The following GRM7 variants were observed in gnomAD, a reference collection of about 807,000 sequenced individuals.
GRM7 encodes metabotropic glutamate receptor 7.
In GRM7, 35 loss-of-function variants were observed where a neutral mutation model predicts 84.5. The ratio of observed to expected loss-of-function variants is 0.41; its 90% confidence interval spans 0.32 to 0.55. The LOEUF (loss-of-function observed/expected upper bound fraction) is 0.55. Ranked by LOEUF, GRM7 falls within the 20% of genes least tolerant of loss-of-function variation. The pLI is 0.19. For synonymous variants in GRM7, 487 were observed against 455.1 expected, an observed-to-expected ratio of 1.07 and a Z score of -0.89; for missense variants, 1,003 against 1,194.6, an observed-to-expected ratio of 0.84 and a Z score of 2.36.
At chr3:7,413,688 C>T (rs1308655970) in intron 4 of GRM7, among the ~76,000 whole-genome samples, 1 of 152,090 alleles carries the variant, frequency 6.6e-6, no homozygotes, top group East Asian at 1.9e-4. Context: ...ACCCAGTTGC[C>T]CTGTGGAATC....
intron 7 of GRM7, among the ~76,000 whole-genome samples, chr3:7,516,440 G>T (rs1700386872): frequency 8.3e-6 from 1 of 120,820 alleles, no homozygotes; most frequent in South Asian, 2.7e-4. Flanking sequence ...TCGTGCCCCT[G>T]CACTCCAGCC....
chr3:7,510,011 A>T (rs1313733577), intron 7 of GRM7, among the ~76,000 whole-genome samples: 3 of 152,214 alleles, frequency 2.0e-5, no homozygotes, highest in African/African-American at 7.2e-5. Context: ...TCTACTTTTA[A>T]GCAACAAAAA....
intron 1 of GRM7, among the ~76,000 whole-genome samples, chr3:6,864,387 A>G (rs1482474925): frequency 2.0e-5 from 3 of 152,238 alleles, no homozygotes; most frequent in South Asian, 2.1e-4. Flanking sequence ...GTGATCTTAG[A>G]CGCTCCTGTC....
chr3:7,387,871 G>C (rs895487691), intron 4 of GRM7, among the ~76,000 whole-genome samples: 2 of 152,008 alleles, frequency 1.3e-5, no homozygotes, highest in African/African-American at 2.4e-5. Flanking sequence ...TTTGTAGATT[G>C]CTTTGGGCAG....
At chr3:7,673,812 T>C (rs1012398773) in intron 8 of GRM7, among the ~76,000 whole-genome samples, 3 of 152,228 alleles carry the variant, frequency 2.0e-5, no homozygotes, top group Admixed American at 6.5e-5. Context: ...GTTCACCTAG[T>C]GTTTCTTGCA....
chr3:7,162,721 C>T (rs573037216), intron 2 of GRM7, among the ~76,000 whole-genome samples: 12 of 109,932 alleles, frequency 1.1e-4, no homozygotes, highest in Non-Finnish European at 2.3e-4. Context: ...CCATTACTCC[C>T]ATTTTTCATT....
intron 1 of GRM7, among the ~76,000 whole-genome samples, chr3:7,142,568 C>G (rs1015638660): frequency 1.3e-5 from 2 of 152,014 alleles, no homozygotes; most frequent in South Asian, 2.1e-4. Context: ...CCAATTGCCT[C>G]CACTTGGTCT....
At chr3:7,162,242 A>G (rs1488964190) in intron 2 of GRM7, among the ~76,000 whole-genome samples, 2 of 152,168 alleles carry the variant, frequency 1.3e-5, no homozygotes, top group African/African-American at 2.4e-5. Flanking sequence ...TGTGACAAAA[A>G]TGCTGTGAGA....
chr3:7,074,037 C>T (rs907170076), intron 1 of GRM7, among the ~76,000 whole-genome samples: 3 of 152,044 alleles, frequency 2.0e-5, no homozygotes, highest in Non-Finnish European at 4.4e-5. Flanking sequence ...AAGCAATGCA[C>T]ATTATAGTAA....
intron 2 of GRM7, among the ~76,000 whole-genome samples, chr3:7,214,609 C>T (rs1189011948): frequency 1.3e-5 from 2 of 152,210 alleles, no homozygotes; most frequent in African/African-American, 4.8e-5. Flanking sequence ...ACTTGAGCTA[C>T]AGCCATCACA....
intron 2 of GRM7, among the ~76,000 whole-genome samples, chr3:7,203,268 A>G (rs1696126545): frequency 6.6e-6 from 1 of 152,266 alleles, no homozygotes; most frequent in African/African-American, 2.4e-5. Context: ...TACGTCCATG[A>G]GATCAAGTGT....
intron 1 of GRM7, among the ~76,000 whole-genome samples, chr3:7,117,360 C>T (rs1274424792): frequency 1.3e-5 from 2 of 152,180 alleles, no homozygotes; most frequent in Non-Finnish European, 2.9e-5. Context: ...TAAGTAGGCC[C>T]TTGGCCTCCA....
intron 7 of GRM7, among the ~76,000 whole-genome samples, chr3:7,517,387 T>G (rs1239564): frequency 0.29 from 41,425 of 142,476 alleles, 6,206 homozygotes; most frequent in Middle Eastern, 0.39. Context: ...AGTAGTAGTA[T>G]TAGTATTATT....
At chr3:7,110,871 GA>G (rs1344404953) in intron 1 of GRM7, among the ~76,000 whole-genome samples, 1 of 152,002 alleles carries the variant, frequency 6.6e-6, no homozygotes, top group Non-Finnish European at 1.5e-5. Context: ...CACAGATGAG[GA>G]ACATTCAACA....
At chr3:7,705,504 C>A (rs940962094) in intron 9 of GRM7, among the ~76,000 whole-genome samples, 2 of 152,116 alleles carry the variant, frequency 1.3e-5, no homozygotes, top group Non-Finnish European at 2.9e-5. Context: ...AAAACTGCAA[C>A]TGTGAAAAAC....
intron 7 of GRM7, among the ~76,000 whole-genome samples, chr3:7,480,482 T>C (rs558210826): frequency 6.6e-6 from 1 of 152,328 alleles, no homozygotes; most frequent in East Asian, 1.9e-4. Context: ...ACTGAAGCAC[T>C]CTGAGATTTA....
chr3:7,357,369 T>C (rs1317242666), intron 4 of GRM7, among the ~76,000 whole-genome samples: 1 of 152,004 alleles, frequency 6.6e-6, no homozygotes, highest in East Asian at 1.9e-4. Flanking sequence ...AACCTCTTAA[T>C]TACAATCACT....
intron 2 of GRM7, among the ~76,000 whole-genome samples, chr3:7,176,229 T>TA (rs55732650): frequency 0.012 from 774 of 63,124 alleles, 18 homozygotes; most frequent in South Asian, 0.014. Flanking sequence ...CTATAAAAAG[T>TA]AAAAAAAAAA....
chr3:6,954,129 T>C (rs1209717681), intron 1 of GRM7, among the ~76,000 whole-genome samples: 1 of 152,156 alleles, frequency 6.6e-6, no homozygotes, highest in Non-Finnish European at 1.5e-5. Flanking sequence ...ACAAACATAA[T>C]ATATGCATAT....
Sources: gnomAD v4.1 joint callset for allele counts (sites outside exome capture counted in the v4.1 genomes callset) on GRCh38, gnomAD v4.1.1 for gene constraint, MANE v1.5 for transcripts, NCBI Gene and HGNC (gene_info 2026-07-23, HGNC 2026-07-21) for gene names.